The following GALNT13 variants were observed in gnomAD, a reference collection of about 807,000 sequenced individuals.
The protein encoded by GALNT13 is polypeptide N-acetylgalactosaminyltransferase 13, also known as UDP-GalNAc:polypeptide N-acetylgalactosaminyltransferase 13.
A neutral mutation model predicts 64.2 loss-of-function variants in GALNT13; 28 were observed. That is an observed-to-expected ratio of 0.44 (90% confidence interval 0.32 to 0.60). GALNT13 has a LOEUF of 0.60. Among genes scored for constraint, GALNT13 ranks in the 20% least tolerant of loss-of-function variants. The probability of loss-of-function intolerance (pLI) is 0.05; values close to 1 mark genes in which losing one functional copy is unlikely to be tolerated. For missense variants in GALNT13, 577 were observed against 669.8 expected (o/e 0.86, Z 1.53); for synonymous variants, 214 against 224.6 (o/e 0.95, Z 0.42).
intron 9 of GALNT13, among the ~76,000 whole-genome samples, chr2:154,356,022 G>A (rs367771485): frequency 1.3e-4 from 19 of 151,974 alleles, no homozygotes; most frequent in South Asian, 1.0e-3. Flanking sequence ...CAAACACCTC[G>A]ATTTGATTTA....
the GALNT13 span, among the ~76,000 whole-genome samples, chr2:153,545,987 G>A: frequency 6.6e-6 from 1 of 152,148 alleles, no homozygotes. Flanking sequence ...CCTGTGGTTC[G>A]GCACATGCCC....
the GALNT13 span, among the ~76,000 whole-genome samples, chr2:153,806,976 T>C: frequency 2.0e-5 from 3 of 152,068 alleles, no homozygotes; most frequent in African/African-American, 7.2e-5. Flanking sequence ...GCATAATTAC[T>C]TTATGGGGAA....
chr2:153,130,652 C>G, the GALNT13 span, among the ~76,000 whole-genome samples: 1 of 152,148 alleles, frequency 6.6e-6, no homozygotes, highest in African/African-American at 2.4e-5. Flanking sequence ...GGCTGATGCT[C>G]TCTCTAGTAT....
intron 7 of GALNT13, among the ~76,000 whole-genome samples, chr2:154,253,960 A>C (rs912725594): frequency 1.3e-5 from 2 of 152,154 alleles, no homozygotes; most frequent in African/African-American, 4.8e-5. Flanking sequence ...ATACAATAAG[A>C]ATTGGCCAGT....
chr2:153,438,141 T>C, the GALNT13 span, among the ~76,000 whole-genome samples: 1 of 152,220 alleles, frequency 6.6e-6, no homozygotes, highest in Admixed American at 6.5e-5. Context: ...TTTAAGAATG[T>C]TGAATATTGG....
chr2:154,117,534 C>T lies in GALNT13; in HGVS notation c.143-22803C>T, dbSNP rs1311116868. 3.9e-5 allele frequency among the ~76,000 whole-genome samples: 6 copies of T among 152,144 alleles called. No individual in the cohort carries two copies. The South Asian group carries it at 1.0e-3, about 26-fold the overall frequency. ...AACATATGATATTTGGTTTTCCATT[C>T]CCGAGCTACTTCACTCAGAATAAGT... On this transcript the variant is annotated intron_variant, in intron 3 of 12. Transcript: ENST00000392825.
intron 9 of GALNT13, among the ~76,000 whole-genome samples, chr2:154,333,149 A>C (rs1398955458): frequency 6.6e-6 from 1 of 151,832 alleles, no homozygotes; most frequent in Non-Finnish European, 1.5e-5. Flanking sequence ...TATTGCCAGG[A>C]CCTCCTTAGC....
intron 8 of GALNT13, among the ~76,000 whole-genome samples, chr2:154,267,556 C>T (rs1382906131): frequency 6.6e-6 from 1 of 152,132 alleles, no homozygotes; most frequent in African/African-American, 2.4e-5. Context: ...AGGAGAATCA[C>T]TTCAACCTGG....
chr2:153,624,909 C>T, the GALNT13 span, among the ~76,000 whole-genome samples: 7 of 149,968 alleles, frequency 4.7e-5, no homozygotes, highest in East Asian at 4.0e-4. Flanking sequence ...AAATGTGGCT[C>T]GGACAAAAAA....
the GALNT13 span, among the ~76,000 whole-genome samples, chr2:153,397,710 C>G: frequency 6.6e-6 from 1 of 151,756 alleles, no homozygotes; most frequent in Non-Finnish European, 1.5e-5. Flanking sequence ...AAGCAGACAA[C>G]ATCTGCTGCT....
the GALNT13 span, among the ~76,000 whole-genome samples, chr2:153,569,496 A>G: frequency 6.8e-6 from 1 of 147,096 alleles, no homozygotes; most frequent in Admixed American, 6.9e-5. Flanking sequence ...TTCTCCAACT[A>G]TCTGGGTTTC....
chr2:153,205,186 T>TC, the GALNT13 span, among the ~76,000 whole-genome samples: 1 of 151,876 alleles, frequency 6.6e-6, no homozygotes, highest in African/African-American at 2.4e-5. Flanking sequence ...TGTTTTTTTT[T>TC]TTTTTTTGTA....
chr2:153,257,811 G>A, the GALNT13 span, among the ~76,000 whole-genome samples: 3 of 152,108 alleles, frequency 2.0e-5, no homozygotes, highest in Admixed American at 6.5e-5. Context: ...GTTTTCTTTT[G>A]CAATAGGACA....
At chr2:153,150,754 G>T in the GALNT13 span, among the ~76,000 whole-genome samples, 42 of 152,040 alleles carry the variant, frequency 2.8e-4, no homozygotes, top group Admixed American at 1.2e-3. Context: ...TCTTGTTTTT[G>T]TCAGGTTTGT....
chr2:154,213,494 T>C (rs1056035414), intron 4 of GALNT13, among the ~76,000 whole-genome samples: 10 of 152,080 alleles, frequency 6.6e-5, no homozygotes, highest in African/African-American at 2.4e-4. Flanking sequence ...ACCATATTTA[T>C]GAAGTCAGTT....
chr2:153,144,206 T>A, the GALNT13 span, among the ~76,000 whole-genome samples: 1 of 151,896 alleles, frequency 6.6e-6, no homozygotes, highest in Non-Finnish European at 1.5e-5. Context: ...TTTATTTGCC[T>A]TGAAGTAATT....
At chr2:153,651,265 A>T in the GALNT13 span, among the ~76,000 whole-genome samples, 2 of 152,332 alleles carry the variant, frequency 1.3e-5, no homozygotes, top group Non-Finnish European at 2.9e-5. Context: ...CAAAAGTGAG[A>T]ATCAAAGTCA....
the GALNT13 span, among the ~76,000 whole-genome samples, chr2:153,276,657 A>G: frequency 6.6e-6 from 1 of 152,106 alleles, no homozygotes; most frequent in Non-Finnish European, 1.5e-5. Flanking sequence ...GTAGTTTCTG[A>G]TGACTAAGTT....
chr2:153,127,152 A>AT, the GALNT13 span, among the ~76,000 whole-genome samples: 516 of 151,370 alleles, frequency 3.4e-3, 2 homozygotes, highest in Non-Finnish European at 5.2e-3. Context: ...TATTGAGTGC[A>AT]TTTTTTTTTG....
Sources: gnomAD v4.1 joint callset for allele counts (sites outside exome capture counted in the v4.1 genomes callset) on GRCh38, gnomAD v4.1.1 for gene constraint, MANE v1.5 for transcripts, NCBI Gene and HGNC (gene_info 2026-07-23, HGNC 2026-07-21) for gene names.